DYRK1A: variants seen among roughly 807,000 people sequenced by gnomAD.
DYRK1A encodes the protein dual specificity tyrosine-phosphorylation-regulated kinase 1A.
Under a neutral mutation model 79.7 loss-of-function variants are expected in DYRK1A, and 9 were observed. That is an observed-to-expected ratio of 0.11 (90% CI 0.07 to 0.20). The LOEUF (loss-of-function observed/expected upper bound fraction) is 0.20, where lower values mean the gene tolerates loss of function less well. Ranked by LOEUF, DYRK1A falls within the 10% of genes least tolerant of loss-of-function variation. DYRK1A has a pLI of 1.00. For missense variants in DYRK1A, 622 were observed against 956.0 expected (o/e 0.65, Z 4.61); for synonymous variants, 349 against 329.7 (o/e 1.06, Z -0.63).
rs2053935968 is a variant in DYRK1A at position 37,521,658 on chromosome 21, C to T, written c.*9127C>T. The T allele has an allele frequency of 6.6e-6, 1 of 152,202 alleles. No individual in the cohort carries two copies. The highest frequency in any genetic ancestry group is 1.5e-5 in the Non-Finnish European group (1 of 68,060). 9.4% of individuals were successfully genotyped at this position (152,202 alleles called of 1,614,324 possible). A position where few individuals can be genotyped will look rare whatever the true frequency, so the allele number is the denominator to read the frequency against. The stretch of plus-strand genomic sequence containing the variant: ...GCTGTATTCCCAAGGAACTGAAGTT[C>T]TAGCTGATACCTAATGGAGGAATGG... On this transcript the variant is annotated 3_prime_UTR_variant, in exon 12 of 12. Coordinates refer to ENST00000647188, the MANE Select transcript of DYRK1A (RefSeq NM_001347721.2).
chr21:37,515,016 G>A lies in DYRK1A; in HGVS notation c.*2485G>A, dbSNP rs1487473713. 1 of 152,584 alleles carries A rather than the reference G, an allele frequency of 6.6e-6. No homozygotes were observed. Among genetic ancestry groups the A allele is most frequent in the East Asian group, 1.9e-4 (1 of 5,194 alleles). 9.5% of individuals were successfully genotyped at this position (152,584 alleles called of 1,614,324 possible). The stretch of plus-strand genomic sequence containing the variant: ...TTTGGTTACAGGACTTCTGTGCATT[G>A]TAAACATAAACAGCATGGAAAAGGT... On this transcript the variant is annotated 3_prime_UTR_variant, in exon 12 of 12. Coordinates refer to ENST00000647188, the MANE Select transcript of DYRK1A (RefSeq NM_001347721.2).
intron 1 of DYRK1A, 42 bp from the exon 2 acceptor site, chr21:37,420,257 T>G (rs982584794): frequency 1.4e-6 from 1 of 704,890 alleles, no homozygotes; most frequent in Non-Finnish European, 2.3e-6. Flanking sequence ...GTAATTGTCT[T>G]GCATCATTAT....
At position 37,515,241 on chromosome 21, in the gene DYRK1A, C is replaced by T. The variant is rs1225371409; in HGVS notation, c.*2710C>T. 2 of 152,560 alleles carry T rather than the reference C, an allele frequency of 1.3e-5. No individual in the cohort carries two copies. Among genetic ancestry groups the T allele is most frequent in the African/African-American group, 4.8e-5 (2 of 41,428 alleles). 9.5% of individuals were successfully genotyped at this position (152,560 alleles called of 1,614,324 possible). A position where few individuals can be genotyped will look rare whatever the true frequency, so the allele number is the denominator to read the frequency against. On this transcript the variant is annotated 3_prime_UTR_variant, in exon 12 of 12. Transcript: ENST00000647188. Reference sequence around the variant, plus strand: ...AAAATGTAAACATAGTAAAAATCTTCCTATGCAATTAAACTGGTCCAGGTC... The same window carrying T: ...AAAATGTAAACATAGTAAAAATCTTTCTATGCAATTAAACTGGTCCAGGTC...
At chr21:37,433,300 A>G (rs376381098) in intron 2 of DYRK1A, among the ~76,000 whole-genome samples, 1 of 152,106 alleles carries the variant, frequency 6.6e-6, no homozygotes, top group South Asian at 2.1e-4. Context: ...AGGAGTGCCA[A>G]GTTTTTAATA....
In DYRK1A at chr21:37,509,033, CT is replaced by C. The variant is rs1342292409; in HGVS notation, c.1644+2816del. Reference sequence around the variant, plus strand: ...AGAGGTCAAGATTTTGCTTCAAATCCTTTTTTGTTACTTAATTTTTGAGTGG... The same window carrying C: ...AGAGGTCAAGATTTTGCTTCAAATCCTTTTTGTTACTTAATTTTTGAGTGG... On this transcript the variant is annotated intron_variant, in intron 11 of 11. Coordinates refer to ENST00000647188, the MANE Select transcript of DYRK1A (RefSeq NM_001347721.2). 5.9e-5 allele frequency among the ~76,000 whole-genome samples: 9 copies of C among 152,264 alleles called. No individual in the cohort carries two copies. The East Asian group carries it at 1.7e-3, about 29-fold the overall frequency.
intron 2 of DYRK1A, among the ~76,000 whole-genome samples, chr21:37,429,240 G>A (rs1808582911): frequency 6.6e-6 from 1 of 151,906 alleles, no homozygotes; most frequent in African/African-American, 2.4e-5. Flanking sequence ...AAAAACCATT[G>A]TTGAGTGCTT....
intron 1 of DYRK1A, among the ~76,000 whole-genome samples, chr21:37,406,731 G>GTATATCTCTATATATCTCTA (rs56814548): frequency 2.1e-4 from 21 of 97,808 alleles, no homozygotes; most frequent in East Asian, 2.7e-4. Flanking sequence ...TTATATCTAT[G>GTATATCTCTATATATCTCTA]TATATCTCTA....
chr21:37,371,921 G>T (rs1403037927), intron 1 of DYRK1A, among the ~76,000 whole-genome samples: 1 of 151,994 alleles, frequency 6.6e-6, no homozygotes, highest in African/African-American at 2.4e-5. Flanking sequence ...CCAATGACAA[G>T]ATTTGATTTT....
chr21:37,391,644 A>G (rs1473707943), intron 1 of DYRK1A, among the ~76,000 whole-genome samples: 1 of 152,202 alleles, frequency 6.6e-6, no homozygotes, highest in East Asian at 1.9e-4. Context: ...GCTGTTCTAC[A>G]GCCTATAATC....
intron 1 of DYRK1A, among the ~76,000 whole-genome samples, chr21:37,375,959 C>T (rs1005987086): frequency 1.3e-5 from 2 of 151,984 alleles, no homozygotes; most frequent in Non-Finnish European, 2.9e-5. Context: ...GCCAAGCCCC[C>T]CTCTTCCTAT....
intron 7 of DYRK1A, among the ~76,000 whole-genome samples, chr21:37,490,904 A>G (rs2053069899): frequency 1.3e-5 from 2 of 152,108 alleles, no homozygotes; most frequent in Admixed American, 6.6e-5. Context: ...AGGTTTTAGT[A>G]TAAATTTTGG....
At chr21:37,379,585 G>GA (rs1436282440) in intron 1 of DYRK1A, among the ~76,000 whole-genome samples, 1 of 152,180 alleles carries the variant, frequency 6.6e-6, no homozygotes. Flanking sequence ...GGGACAGGTG[G>GA]AAATAATTTG....
chr21:37,413,199 T>C (rs1414650930), intron 1 of DYRK1A, among the ~76,000 whole-genome samples: 1 of 152,042 alleles, frequency 6.6e-6, no homozygotes, highest in African/African-American at 2.4e-5. Context: ...AATAGACTCA[T>C]TGGAAGAAAA....
At chr21:37,494,176 GC>G (rs1259419284) in intron 8 of DYRK1A, among the ~76,000 whole-genome samples, 4 of 151,716 alleles carry the variant, frequency 2.6e-5, no homozygotes, top group South Asian at 4.2e-4. Flanking sequence ...ACAGGCGTGA[GC>G]CACTGTGCCC....
chr21:37,383,547 A>G (rs866979855), intron 1 of DYRK1A, among the ~76,000 whole-genome samples: 1 of 152,252 alleles, frequency 6.6e-6, no homozygotes, highest in Admixed American at 6.5e-5. Context: ...GTTTACCTGC[A>G]TGTAGATTAG....
At chr21:37,493,933 CTTT>C (rs35158368) in intron 8 of DYRK1A, among the ~76,000 whole-genome samples, 2 of 114,226 alleles carry the variant, frequency 1.8e-5, no homozygotes, top group Non-Finnish European at 3.5e-5. Context: ...TTTAATTCTT[CTTT>C]TTTTTTTTTT....
chr21:37,466,342 C>T (rs1414934414), intron 2 of DYRK1A, among the ~76,000 whole-genome samples: 1 of 151,900 alleles, frequency 6.6e-6, no homozygotes, highest in African/African-American at 2.4e-5. Flanking sequence ...GTCAAGGATG[C>T]ATAATCTTTT....
At chr21:37,414,078 T>C (rs1217181033) in intron 1 of DYRK1A, among the ~76,000 whole-genome samples, 1 of 152,088 alleles carries the variant, frequency 6.6e-6, no homozygotes, top group Non-Finnish European at 1.5e-5. Flanking sequence ...TATATGTATA[T>C]ATACATATAT....
At position 37,505,330 on chromosome 21, in the gene DYRK1A, G is replaced by A. The variant is rs139043513; in HGVS notation, c.1260G>A (p.Val420=). 9.9e-6 allele frequency: 16 copies of A among 1,614,026 alleles called. No individual in the cohort carries two copies. In the African/African-American group the frequency reaches 2.1e-4, roughly 22 times the overall value. Residue 420 remains valine, a synonymous_variant, in exon 10 of 12, where the codon GTG becomes GTA. Transcript: ENST00000647188. ...GTRKLHNILG[V]ETGGPGGRRA... ...GTAAACTTCATAACATTCTTGGAGT[G>A]GAAACAGGAGGACCTGGTGGGCGAC...
Sources: gnomAD v4.1 joint callset for allele counts (sites outside exome capture counted in the v4.1 genomes callset) on GRCh38, gnomAD v4.1.1 for gene constraint, MANE v1.5 for transcripts, NCBI Gene and HGNC (gene_info 2026-07-23, HGNC 2026-07-21) for gene names.